TOP2A: variants seen among roughly 807,000 people sequenced by gnomAD.
TOP2A encodes DNA topoisomerase 2-alpha.
TOP2A carries 68 observed loss-of-function variants against 187.2 expected under a neutral mutation model. The ratio of observed to expected loss-of-function variants is 0.36; its 90% confidence interval spans 0.30 to 0.44. The LOEUF (loss-of-function observed/expected upper bound fraction) is 0.44. Among genes scored for constraint, TOP2A ranks in the 20% least tolerant of loss-of-function variants. The pLI, the probability that TOP2A is intolerant of heterozygous loss-of-function variation, is 1.00. For synonymous variants in TOP2A, 542 were observed against 593.2 expected, an observed-to-expected ratio of 0.91 and a Z score of 1.25; for missense variants, 1,196 against 1,808.7, an observed-to-expected ratio of 0.66 and a Z score of 6.14.
Position 40,389,530 on chromosome 17 carries a change from C to A in TOP2A, c.4585G>T (p.Asp1529Tyr). Residue 1529 changes from aspartate (D) to tyrosine (Y), a missense_variant, in exon 35 of 35, where the codon GAT (aspartate) becomes TAT (tyrosine). By Grantham distance (160) the Asp-to-Tyr change is radical. Coordinates refer to ENST00000423485, the MANE Select transcript of TOP2A (RefSeq NM_001067.4). ...AATCGCCTCACATTTTAAAACAGATCATCTTCATCTGACTCTTCCAGGTAC... is the reference window on the plus strand; with the variant it reads ...AATCGCCTCACATTTTAAAACAGATAATCTTCATCTGACTCTTCCAGGTAC... Reference protein sequence around the residue: ...IKYLEESDEDDLF With the variant: ...IKYLEESDEDYLF 1.3e-6 allele frequency: 2 copies of A among 1,589,938 alleles called. No individual in the cohort carries two copies. Among genetic ancestry groups the A allele is most frequent in the Non-Finnish European group, 1.7e-6 (2 of 1,167,126 alleles).
intron 27 of TOP2A, among the ~76,000 whole-genome samples, chr17:40,398,190 T>G (rs1233391782): frequency 2.1e-5 from 3 of 145,258 alleles, no homozygotes; most frequent in Non-Finnish European, 4.5e-5. Flanking sequence ...CTCGGTTCAC[T>G]GCAACCTCTG....
intron 11 of TOP2A, 90 bp downstream of exon 11, chr17:40,408,402 A>G (rs1324229785): frequency 7.5e-7 from 1 of 1,329,956 alleles, no homozygotes; most frequent in East Asian, 2.4e-5. Context: ...TTATTCTGTC[A>G]AGGGAAAAAT....
At chr17:40,391,412 A>G (rs2035020553) in intron 33 of TOP2A, 94 bp downstream of exon 33, 6 of 1,230,110 alleles carry the variant, frequency 4.9e-6, no homozygotes, top group Non-Finnish European at 6.7e-6. Context: ...CTGTAATATC[A>G]ATAGTAAGTT....
At chr17:40,410,546 C>T in intron 10 of TOP2A, 1 of 432,104 alleles carries the variant, frequency 2.3e-6, no homozygotes, top group South Asian at 1.7e-5. Context: ...AAGGAAAGGA[C>T]TTAACCAGTA....
chr17:40,391,636 A>G lies in TOP2A; in HGVS notation c.4137T>C (p.Leu1379=), dbSNP rs1343736438. Residue 1379 remains leucine, a synonymous_variant, in exon 33 of 35, where the codon CTT becomes CTC. Coordinates refer to ENST00000423485, the MANE Select transcript of TOP2A (RefSeq NM_001067.4). ...CACTGCCCTTAACATCATCAGCTTC[A>G]AGGTCTATTATTTCAAATGGAAAGG... ...LKPQKSVVSD[L]EADDVKGSVP... is the part of the protein sequence containing the mutation. The G allele has an allele frequency of 4.4e-6, 7 of 1,586,668 alleles. No individual in the cohort carries two copies. The South Asian group carries it at 5.8e-5, about 13-fold the overall frequency.
intron 1 of TOP2A, among the ~76,000 whole-genome samples, chr17:40,417,339 G>T (rs2035403903): frequency 6.6e-6 from 1 of 152,120 alleles, no homozygotes; most frequent in African/African-American, 2.4e-5. Flanking sequence ...GTGAACTCAG[G>T]AAGGGGGCGC....
chr17:40,406,881 G>C lies in TOP2A; in HGVS notation c.1688C>G (p.Ser563Cys), dbSNP rs765414730. Reference protein sequence around the residue: ...LINFIHHNWPSLLRHRFLEEF... With the variant: ...LINFIHHNWPCLLRHRFLEEF... ...CTCCAGAAAACGATGTCGCAGAAGA[G>C]AGGGCCAGTTGTGATGGATAAAATT... Residue 563 changes from serine to cysteine, a missense_variant, in exon 14 of 35, where the codon TCT becomes TGT. Ser to Cys is a moderately radical substitution (Grantham distance 112). This residue lies in a region of TOP2A where 209 missense variants were observed against 376.9 expected (regional missense o/e 0.55). Coordinates refer to ENST00000423485, the MANE Select transcript of TOP2A (RefSeq NM_001067.4). 6.2e-7 allele frequency: 1 copy of C among 1,608,224 alleles called. No homozygotes were observed. The highest frequency in any genetic ancestry group is 8.5e-7 in the Non-Finnish European group (1 of 1,176,836).
At chr17:40,401,883 A>C (rs982310187) in intron 20 of TOP2A, among the ~76,000 whole-genome samples, 12 of 152,134 alleles carry the variant, frequency 7.9e-5, no homozygotes, top group Admixed American at 5.9e-4. Context: ...TGGTATGAGA[A>C]GGAATCAAAA....
In TOP2A at chr17:40,392,251, T is replaced by A; in HGVS notation, c.4055A>T (p.Asp1352Val). 2 of 1,613,360 alleles carry A rather than the reference T, an allele frequency of 1.2e-6. No individual in the cohort carries two copies. The highest frequency in any genetic ancestry group is 2.2e-5 in the South Asian group (2 of 90,942). Reference protein sequence around the residue: ...KTDDEDFVPSDASPPKTKTSP... With the variant: ...KTDDEDFVPSVASPPKTKTSP... ...AGTTTTGGTCTTAGGTGGACTAGCA[T>A]CTGATGGGACAAAATCTTCATCATC... The change falls in exon 31 of 35, where the codon GAT becomes GTT. Residue 1352 changes from aspartate to valine, a missense_variant. Asp to Val is a radical substitution (Grantham distance 152). Coordinates refer to ENST00000423485, the MANE Select transcript of TOP2A (RefSeq NM_001067.4).
intron 20 of TOP2A, among the ~76,000 whole-genome samples, chr17:40,401,666 G>A (rs939782707): frequency 1.3e-5 from 2 of 151,956 alleles, no homozygotes; most frequent in African/African-American, 2.4e-5. Context: ...CCGAAATTGC[G>A]CCACTGCACT....
intron 4 of TOP2A, among the ~76,000 whole-genome samples, chr17:40,415,649 T>C (rs533042244): frequency 6.6e-6 from 1 of 152,352 alleles, no homozygotes; most frequent in South Asian, 2.1e-4. Context: ...ATAAGTCCTG[T>C]AATTTATTTT....
At chr17:40,390,526 C>T (rs929463960) in intron 33 of TOP2A, among the ~76,000 whole-genome samples, 8 of 151,650 alleles carry the variant, frequency 5.3e-5, no homozygotes, top group Non-Finnish European at 8.8e-5. Flanking sequence ...GTTCTCATTG[C>T]GAACTTTCTT....
At chr17:40,398,108 C>A (rs1437212062) in intron 27 of TOP2A, among the ~76,000 whole-genome samples, 2 of 147,858 alleles carry the variant, frequency 1.4e-5, no homozygotes, top group Non-Finnish European at 3.0e-5. Context: ...AATAATCTGT[C>A]CCTTTTTTTT....
chr17:40,405,894 G>A (rs1157951219), intron 16 of TOP2A, among the ~76,000 whole-genome samples: 1 of 151,938 alleles, frequency 6.6e-6, no homozygotes, highest in Non-Finnish European at 1.5e-5. Flanking sequence ...AGCTTCCCAA[G>A]TAGCTGGGAC....
chr17:40,407,798 A>G, intron 12 of TOP2A, 124 bp from the exon 13 acceptor site: 1 of 1,178,392 alleles, frequency 8.5e-7, no homozygotes, highest in South Asian at 1.5e-5. Flanking sequence ...CTTATAATTT[A>G]CTACATCAGA....
rs2035004490 is a variant in TOP2A, at chr17:40,390,152, G to T, written c.4280C>A (p.Thr1427Asn). Residue 1427 changes from threonine to asparagine, a missense_variant, in exon 34 of 35, where the codon ACC becomes AAC. By Grantham distance (65) the Thr-to-Asn change is moderately conservative (BLOSUM62 0). This residue lies in a region of TOP2A where 374 missense variants were observed against 403.3 expected (regional missense o/e 0.93). Coordinates refer to ENST00000423485, the MANE Select transcript of TOP2A (RefSeq NM_001067.4). ...KKTAAKSQSS[T>N]STTGAKKRAA... ...CCTTTTTTTGGCACCGGTAGTGGAG[G>T]TGGAAGACTGACCTGCAATTCAATA... 6.2e-7 allele frequency: 1 copy of T among 1,611,298 alleles called. No individual in the cohort carries two copies. Among genetic ancestry groups the T allele is most frequent in the African/African-American group, 1.3e-5 (1 of 74,712 alleles).
chr17:40,416,497 C>T lies in TOP2A; in HGVS notation c.193G>A (p.Asp65Asn), dbSNP rs2035392401. 3.7e-6 allele frequency: 6 copies of T among 1,602,424 alleles called. No homozygotes were observed. In the Admixed American group the frequency reaches 5.1e-5, roughly 14 times the overall value. Residue 65 changes from aspartate (D) to asparagine (N), a missense_variant, in exon 3 of 35, where the codon GAT becomes AAT. This residue lies in a region of TOP2A where 97 missense variants were observed against 171.0 expected (regional missense o/e 0.57). Transcript: ENST00000423485. ...CTATAGTTAATGCCAACATCTTCAT[C>T]GTAAACCCACATTTGCTAGAAATAA... ...ELVTQQMWVYDEDVGINYREV... is the reference protein window; with the variant it reads ...ELVTQQMWVYNEDVGINYREV...
chr17:40,417,880 A>G lies in TOP2A; in HGVS notation c.-89T>C. ...CCACCCCCGACCAAGCCGCTTCTCC[A>G]CAGACGCGCGTCGGTTAGGAGAGCT... On this transcript the variant is annotated 5_prime_UTR_variant, in exon 1 of 35. Coordinates refer to ENST00000423485, the MANE Select transcript of TOP2A (RefSeq NM_001067.4). 3 of 1,570,140 alleles carry G rather than the reference A, an allele frequency of 1.9e-6. No individual in the cohort carries two copies. The highest frequency in any genetic ancestry group is 2.6e-6 in the Non-Finnish European group (3 of 1,148,776).
At chr17:40,393,018 G>T (rs547263551) in intron 29 of TOP2A, among the ~76,000 whole-genome samples, 3 of 152,208 alleles carry the variant, frequency 2.0e-5, no homozygotes, top group African/African-American at 7.2e-5. Context: ...ATCAGCTGGG[G>T]TAAGATATAA....
Sources: gnomAD v4.1 joint callset for allele counts (sites outside exome capture counted in the v4.1 genomes callset) on GRCh38, gnomAD v4.1.1 for gene constraint, gnomAD v4.1.1 regional missense constraint, MANE v1.5 for transcripts, NCBI Gene and HGNC (gene_info 2026-07-23, HGNC 2026-07-21) for gene names.